Variants in ZBTB44 observed in about 807,000 individuals in gnomAD.
ZBTB44 encodes the protein zinc finger and BTB domain containing 44.
Under a neutral mutation model 54.0 loss-of-function variants are expected in ZBTB44, and 15 were observed. That is an observed-to-expected ratio of 0.28 (90% CI 0.19 to 0.43). The LOEUF (loss-of-function observed/expected upper bound fraction) is 0.43. ZBTB44 is among the 20% of genes least tolerant of loss of function. ZBTB44 has a pLI of 1.00. For synonymous variants in ZBTB44, 230 were observed against 250.1 expected, an observed-to-expected ratio of 0.92 and a Z score of 0.76; for missense variants, 487 against 707.1, an observed-to-expected ratio of 0.69 and a Z score of 3.53.
At position 130,227,841 on chromosome 11, in the gene ZBTB44, T is replaced by C. The variant is rs1056052379; in HGVS notation, c.*3923A>G. On this transcript the variant is annotated 3_prime_UTR_variant, in exon 8 of 8. Transcript: ENST00000357899. ...AACAGTTTCTTCTATCACTTAATTCTGGTCTTATTACCTCAGTCTGACTTT... is the reference window on the plus strand; with the variant it reads ...AACAGTTTCTTCTATCACTTAATTCCGGTCTTATTACCTCAGTCTGACTTT... 18 of 152,214 alleles carry C rather than the reference T, an allele frequency of 1.2e-4. No individual in the cohort carries two copies. The highest frequency in any genetic ancestry group is 4.1e-4 in the African/African-American group (17 of 41,462). 9.4% of individuals were successfully genotyped at this position (152,214 alleles called of 1,614,324 possible).
In ZBTB44 at chr11:130,233,302, A is replaced by G; in HGVS notation, c.*48+6T>C. The G allele has an allele frequency of 6.6e-7, 1 of 1,517,556 alleles. No homozygotes were observed. 94.0% of individuals were successfully genotyped at this position (1,517,556 alleles called of 1,614,324 possible). Reference sequence around the variant, plus strand: ...AAGAGTTCCTATGAAGCTGGGATTTACATACTTCATTCTCCGTTCCTGGTC... The same window carrying G: ...AAGAGTTCCTATGAAGCTGGGATTTGCATACTTCATTCTCCGTTCCTGGTC... On this transcript the variant is annotated splice_donor_region_variant and intron_variant, in intron 7 of 7. Transcript: ENST00000357899.
Position 130,314,784 on chromosome 11 carries a change from G to C in ZBTB44, c.-466C>G, listed in dbSNP as rs1246918205. 6.7e-6 allele frequency: 1 copy of C among 148,834 alleles called. No individual in the cohort carries two copies. Among genetic ancestry groups the C allele is most frequent in the East Asian group, 2.0e-4 (1 of 4,944 alleles). 9.2% of individuals were successfully genotyped at this position (148,834 alleles called of 1,614,324 possible). ...GTTCCCAGCGGGGCGGGGTGGGGAA[G>C]GGGAAGGGGACTGAGGGGAGGGGAG... On this transcript the variant is annotated 5_prime_UTR_variant, in exon 1 of 8. Coordinates refer to ENST00000357899, the MANE Select transcript of ZBTB44 (RefSeq NM_001301098.2).
chr11:130,266,370 G>A (rs544334395), intron 1 of ZBTB44, among the ~76,000 whole-genome samples: 8 of 152,200 alleles, frequency 5.3e-5, no homozygotes, highest in Non-Finnish European at 1.2e-4. Context: ...CTCTGATGAG[G>A]ATGTACATGA....
chr11:130,311,557 CAAA>C (rs1942607840), intron 1 of ZBTB44, among the ~76,000 whole-genome samples: 1 of 151,958 alleles, frequency 6.6e-6, no homozygotes, highest in Non-Finnish European at 1.5e-5. Context: ...AGACAAGAGA[CAAA>C]TATAGAGTCA....
At chr11:130,294,927 A>G (rs748730455) in intron 1 of ZBTB44, among the ~76,000 whole-genome samples, 2 of 150,710 alleles carry the variant, frequency 1.3e-5, no homozygotes, top group African/African-American at 5.0e-5. Context: ...TATTTTCCCT[A>G]AAGAGTTTTT....
chr11:130,289,351 C>T (rs1268368227), intron 1 of ZBTB44, among the ~76,000 whole-genome samples: 7 of 151,958 alleles, frequency 4.6e-5, no homozygotes, highest in African/African-American at 7.2e-5. Context: ...GGCACAGTGG[C>T]GCATGCCTGT....
Position 130,261,530 on chromosome 11 carries a change from C to G in ZBTB44, c.344G>C (p.Ser115Thr). Reference protein sequence around the residue: ...LAAASYMQMFSVASTCSEFMK... With the variant: ...LAAASYMQMFTVASTCSEFMK... Reference sequence around the variant, plus strand: ...GAACTCTGAGCAGGTGCTGGCAACACTGAACATTTGCATATAGCTGGCTGC... The same window carrying G: ...GAACTCTGAGCAGGTGCTGGCAACAGTGAACATTTGCATATAGCTGGCTGC... The change falls in exon 2 of 8, where the codon AGT (serine) becomes ACT (threonine). Residue 115 changes from serine to threonine, a missense_variant. Physicochemically the swap from Ser to Thr is moderately conservative, Grantham distance 58. Coordinates refer to ENST00000357899, the MANE Select transcript of ZBTB44 (RefSeq NM_001301098.2). The surrounding 1 kb of genome is among the most constrained non-coding windows in gnomAD (Gnocchi z 4.8). 1.2e-6 allele frequency: 2 copies of G among 1,613,990 alleles called. No individual in the cohort carries two copies. The highest frequency in any genetic ancestry group is 2.2e-5 in the South Asian group (2 of 91,082).
At position 130,233,603 on chromosome 11, in the gene ZBTB44, T is replaced by C. The variant is rs1341789582; in HGVS notation, c.1687-221A>G. On this transcript the variant is annotated intron_variant, in intron 6 of 7. Coordinates refer to ENST00000357899, the MANE Select transcript of ZBTB44 (RefSeq NM_001301098.2). ...AGTAAGTATCTACTCAGGCCATTTG[T>C]CAAGCTGTTTAGTAATTAGTTTCTC... The C allele has an allele frequency of 8.4e-6, 11 of 1,310,578 alleles. No homozygotes were observed. The East Asian group carries it at 3.4e-4, about 41-fold the overall frequency. 81.2% of individuals were successfully genotyped at this position (1,310,578 alleles called of 1,614,324 possible). A position where few individuals can be genotyped will look rare whatever the true frequency, so the allele number is the denominator to read the frequency against.
chr11:130,289,423 A>G (rs1240893873), intron 1 of ZBTB44, among the ~76,000 whole-genome samples: 1 of 150,968 alleles, frequency 6.6e-6, no homozygotes, highest in Non-Finnish European at 1.5e-5. Flanking sequence ...TGGAGGTTGC[A>G]GTGAGCCGAG....
chr11:130,258,328 T>A (rs535148663), intron 2 of ZBTB44, among the ~76,000 whole-genome samples: 1 of 152,350 alleles, frequency 6.6e-6, no homozygotes, highest in African/African-American at 2.4e-5. Context: ...TAAGTCTTTC[T>A]TTACAAAGTC....
intron 1 of ZBTB44, among the ~76,000 whole-genome samples, chr11:130,307,141 T>C (rs1033121535): frequency 8.6e-5 from 13 of 151,854 alleles, no homozygotes; most frequent in Non-Finnish European, 1.3e-4. Flanking sequence ...CATTCTACTG[T>C]AGCCCGGGTG....
chr11:130,288,110 C>A (rs941349575), intron 1 of ZBTB44, among the ~76,000 whole-genome samples: 6 of 152,134 alleles, frequency 3.9e-5, no homozygotes, highest in African/African-American at 1.4e-4. Context: ...CAGTGGCTCA[C>A]ACCTGTAATC....
rs749166800 is a variant in ZBTB44, at chr11:130,261,109, T to C, written c.765A>G (p.Glu255=). The C allele has an allele frequency of 6.2e-6, 10 of 1,614,034 alleles. No homozygotes were observed. The highest frequency in any genetic ancestry group is 8.5e-6 in the Non-Finnish European group (10 of 1,179,886). Reference sequence around the variant, plus strand: ...TACCGGTCTCAGATGGGCCAGGTAATTCTAAAGTCCGGGTATTTTCTGCTT... The same window carrying C: ...TACCGGTCTCAGATGGGCCAGGTAACTCTAAAGTCCGGGTATTTTCTGCTT... The part of the protein sequence containing the change: ...VKQAENTRTL[E]LPGPSETGRR... Residue 255 remains glutamate, a synonymous_variant, in exon 2 of 8, where the codon GAA becomes GAG. Transcript: ENST00000357899. This position sits in a 1 kb window ranked among gnomAD's most constrained non-coding sequence, Gnocchi z 4.8.
intron 1 of ZBTB44, among the ~76,000 whole-genome samples, chr11:130,295,306 G>A (rs1447778586): frequency 1.3e-5 from 2 of 152,076 alleles, no homozygotes; most frequent in Admixed American, 6.6e-5. Context: ...AAGAGGCAGT[G>A]GAAGATATAA....
chr11:130,237,586 T>C (rs1954160998), intron 4 of ZBTB44, among the ~76,000 whole-genome samples: 1 of 152,246 alleles, frequency 6.6e-6, no homozygotes, highest in Non-Finnish European at 1.5e-5. Context: ...TCATTTGATA[T>C]AATGGGTTTT....
intron 1 of ZBTB44, among the ~76,000 whole-genome samples, chr11:130,286,248 T>C (rs2134318428): frequency 6.6e-6 from 1 of 152,292 alleles, no homozygotes; most frequent in South Asian, 2.1e-4. Context: ...ATTTGCTGCC[T>C]AACAACCTAA....
At chr11:130,258,629 C>T (rs1020694895) in intron 2 of ZBTB44, among the ~76,000 whole-genome samples, 3 of 152,208 alleles carry the variant, frequency 2.0e-5, no homozygotes, top group African/African-American at 7.2e-5. Flanking sequence ...AGGTACCCAA[C>T]TAATATACAT....
chr11:130,304,649 C>T (rs879341914), intron 1 of ZBTB44, among the ~76,000 whole-genome samples: 1 of 151,984 alleles, frequency 6.6e-6, no homozygotes, highest in Non-Finnish European at 1.5e-5. Flanking sequence ...TTTTCCAGTG[C>T]TCTACATATT....
intron 1 of ZBTB44, among the ~76,000 whole-genome samples, chr11:130,267,321 A>C (rs575373739): frequency 6.6e-6 from 1 of 152,236 alleles, no homozygotes; most frequent in South Asian, 2.1e-4. Flanking sequence ...TGAAGGAAAG[A>C]AGCCATCCTC....
Sources: allele counts gnomAD v4.1 joint callset (sites outside exome capture counted in the v4.1 genomes callset), GRCh38; gene constraint gnomAD v4.1.1; non-coding constraint Gnocchi (gnomAD v3.1); transcripts MANE v1.5; gene names NCBI Gene and HGNC (gene_info 2026-07-23, HGNC 2026-07-21).